DYNC1I1: variants seen among roughly 807,000 people sequenced by gnomAD.
DYNC1I1 encodes cytoplasmic dynein 1 intermediate chain 1.
DYNC1I1 carries 43 observed loss-of-function variants against 86.6 expected under a neutral mutation model. That is an observed-to-expected ratio of 0.50 (90% CI 0.39 to 0.64). The LOEUF is 0.64. Ranked by LOEUF, DYNC1I1 falls within the 30% of genes least tolerant of loss-of-function variation. The probability of loss-of-function intolerance (pLI) is 0.00; values close to 1 mark genes in which losing one functional copy is unlikely to be tolerated. For synonymous variants in DYNC1I1, 262 were observed against 283.7 expected (o/e 0.92, Z 0.77); for missense variants, 604 against 788.8 (o/e 0.77, Z 2.81).
chr7:95,944,830 A>AC, intron 6 of DYNC1I1, among the ~76,000 whole-genome samples: 1 of 140,312 alleles, frequency 7.1e-6, no homozygotes, highest in Non-Finnish European at 1.5e-5. Context: ...CAATGAGGAC[A>AC]CATGGACACC....
At chr7:95,785,697 T>TTA (rs1043762618) in intron 1 of DYNC1I1, among the ~76,000 whole-genome samples, 2 of 148,762 alleles carry the variant, frequency 1.3e-5, no homozygotes, top group East Asian at 4.0e-4. Flanking sequence ...CATTGCAACT[T>TTA]TATATATATA....
intron 6 of DYNC1I1, among the ~76,000 whole-genome samples, chr7:95,953,750 T>G (rs1025008794): frequency 6.6e-6 from 1 of 152,194 alleles, no homozygotes; most frequent in Non-Finnish European, 1.5e-5. Context: ...CTCTGCAGTT[T>G]GCCGTTCTTG....
chr7:95,999,282 G>T (rs907668232), intron 10 of DYNC1I1, among the ~76,000 whole-genome samples: 7 of 152,160 alleles, frequency 4.6e-5, no homozygotes, highest in African/African-American at 1.7e-4. Flanking sequence ...TATCTGCGTT[G>T]AGGTAAATGT....
intron 1 of DYNC1I1, chr7:95,804,171 G>C (rs979520164): frequency 5.2e-6 from 1 of 193,540 alleles, no homozygotes; most frequent in Non-Finnish European, 1.1e-5. Context: ...TAACATGTTC[G>C]GTCTTCAGCG....
At chr7:95,835,802 T>A (rs1174634846) in intron 5 of DYNC1I1, among the ~76,000 whole-genome samples, 3 of 152,052 alleles carry the variant, frequency 2.0e-5, no homozygotes, top group East Asian at 1.9e-4. Context: ...AACCCCTGCC[T>A]TTTTTTGTTT....
At chr7:95,883,700 A>C (rs1790516527) in intron 6 of DYNC1I1, among the ~76,000 whole-genome samples, 1 of 152,228 alleles carries the variant, frequency 6.6e-6, no homozygotes, top group Non-Finnish European at 1.5e-5. Flanking sequence ...TAAGAAATTC[A>C]AATCTGGGAG....
At chr7:95,923,618 TCAAA>T (rs917956265) in intron 6 of DYNC1I1, among the ~76,000 whole-genome samples, 4 of 152,128 alleles carry the variant, frequency 2.6e-5, no homozygotes, top group South Asian at 2.1e-4. Context: ...AATACTGTAC[TCAAA>T]CAATCATTTT....
At chr7:95,874,496 A>G (rs1790253119) in intron 6 of DYNC1I1, among the ~76,000 whole-genome samples, 2 of 152,370 alleles carry the variant, frequency 1.3e-5, no homozygotes, top group African/African-American at 4.8e-5. Context: ...GGTAGCTGCT[A>G]TCGACTGGAT....
chr7:95,925,874 T>A (rs1791732057), intron 6 of DYNC1I1, among the ~76,000 whole-genome samples: 1 of 152,196 alleles, frequency 6.6e-6, no homozygotes, highest in African/African-American at 2.4e-5. Flanking sequence ...TTTCTTTTTA[T>A]CATTTAAATA....
At chr7:95,798,810 C>G (rs1049408054) in intron 1 of DYNC1I1, among the ~76,000 whole-genome samples, 1 of 152,146 alleles carries the variant, frequency 6.6e-6, no homozygotes, top group African/African-American at 2.4e-5. Flanking sequence ...ATCTCCTCTG[C>G]TAGACACTTT....
intron 14 of DYNC1I1, among the ~76,000 whole-genome samples, chr7:96,068,887 G>A (rs1790075959): frequency 6.6e-6 from 1 of 152,170 alleles, no homozygotes; most frequent in Non-Finnish European, 1.5e-5. Context: ...AAGGGCGAGG[G>A]TGAAAATATT....
intron 11 of DYNC1I1, among the ~76,000 whole-genome samples, chr7:96,029,331 T>C (rs1171285195): frequency 1.3e-5 from 2 of 152,152 alleles, no homozygotes; most frequent in Non-Finnish European, 2.9e-5. Flanking sequence ...CCCAAACTAA[T>C]AACAGAAAAT....
At chr7:95,932,766 CA>C (rs1370557065) in intron 6 of DYNC1I1, among the ~76,000 whole-genome samples, 4 of 152,068 alleles carry the variant, frequency 2.6e-5, no homozygotes, top group African/African-American at 9.7e-5. Context: ...ACACTAGAAC[CA>C]GGGGCTAAAA....
At chr7:96,034,839 A>T (rs1794894559) in intron 12 of DYNC1I1, among the ~76,000 whole-genome samples, 1 of 152,180 alleles carries the variant, frequency 6.6e-6, no homozygotes. Context: ...TAATGATATG[A>T]TACCTCAGAA....
At chr7:96,025,052 T>C (rs1794644039) in intron 10 of DYNC1I1, among the ~76,000 whole-genome samples, 1 of 152,158 alleles carries the variant, frequency 6.6e-6, no homozygotes, top group African/African-American at 2.4e-5. Context: ...ACATATATTC[T>C]TATAGAATAA....
chr7:96,031,357 C>T (rs946648177), intron 11 of DYNC1I1, among the ~76,000 whole-genome samples: 12 of 152,140 alleles, frequency 7.9e-5, no homozygotes, highest in Admixed American at 2.6e-4. Context: ...AGAGGAGTAA[C>T]AGGGAACAAC....
chr7:95,998,170 T>G (rs1793917696), intron 10 of DYNC1I1, among the ~76,000 whole-genome samples: 1 of 152,236 alleles, frequency 6.6e-6, no homozygotes, highest in Admixed American at 6.5e-5. Context: ...TATTATTCTC[T>G]TTTTCCAGTT....
At chr7:95,863,243 A>G (rs1584104947) in intron 5 of DYNC1I1, among the ~76,000 whole-genome samples, 1 of 152,358 alleles carries the variant, frequency 6.6e-6, no homozygotes, top group Middle Eastern at 3.4e-3. Context: ...AAAATGTTAG[A>G]CTAAGTAAAA....
At chr7:96,101,173 T>G (rs1791130131), downstream of DYNC1I1, among the ~76,000 whole-genome samples, 1 of 152,102 alleles carries the variant, frequency 6.6e-6, no homozygotes, top group East Asian at 1.9e-4. Flanking sequence ...CCAAGAAGGC[T>G]TTACCCATAG....
Sources: allele counts gnomAD v4.1 joint callset (sites outside exome capture counted in the v4.1 genomes callset), GRCh38; gene constraint gnomAD v4.1.1; transcripts MANE v1.5; gene names NCBI Gene and HGNC (gene_info 2026-07-23, HGNC 2026-07-21).